Variants in SNRPN observed in about 807,000 individuals in gnomAD.
SNRPN encodes the protein small nuclear ribonucleoprotein-associated protein N.
Under a neutral mutation model 25.2 loss-of-function variants are expected in SNRPN, and 7 were observed. The ratio of observed to expected loss-of-function variants is 0.28; its 90% CI spans 0.16 to 0.52. The LOEUF is 0.52. Among genes scored for constraint, SNRPN ranks in the 20% least tolerant of loss-of-function variants. The pLI is 0.96. For missense variants in SNRPN, 196 were observed against 322.5 expected (o/e 0.61, Z 3.00); for synonymous variants, 124 against 110.6 (o/e 1.12, Z -0.76).
chr15:24,971,374 A>G (rs1269228848), intron 3 of SNRPN, among the ~76,000 whole-genome samples: 1 of 152,168 alleles, frequency 6.6e-6, no homozygotes, highest in African/African-American at 2.4e-5. Context: ...TCTTTCACTT[A>G]CAAGGTCATG....
intron 2 of SNRPN, chr15:24,849,980 C>T (rs2145498787): frequency 6.6e-6 from 1 of 152,230 alleles, no homozygotes; most frequent in South Asian, 2.1e-4. Flanking sequence ...TCTGATTTTT[C>T]CAAATTAGAT....
At position 24,909,228 on chromosome 15, in the gene SNRPN, T is replaced by C. The variant is rs545358405; in HGVS notation, c.-504-10783T>C. The stretch of plus-strand genomic sequence containing the variant: ...TAATCGGCAACATTCTGGCCCATGA[T>C]GTGCTTCCGGTGTACTTCTGCATTA... On this transcript the variant is annotated intron_variant, in intron 2 of 11. Coordinates refer to the SNRPN transcript ENST00000400097. 6 of 1,562,940 alleles carry C rather than the reference T, an allele frequency of 3.8e-6. No homozygotes were observed. The South Asian group carries it at 5.5e-5, about 14-fold the overall frequency.
chr15:24,941,943 C>G (rs2153057690), intron 3 of SNRPN, among the ~76,000 whole-genome samples: 1 of 152,156 alleles, frequency 6.6e-6, no homozygotes, highest in East Asian at 1.9e-4. Context: ...CTGTGCCCAG[C>G]TAATTTTTGT....
rs147377447 is a variant in SNRPN at position 24,916,239 on chromosome 15, C to T, written c.-504-3772C>T. On this transcript the variant is annotated intron_variant, in intron 2 of 11. Coordinates refer to the SNRPN transcript ENST00000400097. Reference sequence around the variant, plus strand: ...CCTCCCAAAGTGCTGGGATTACAGGCGTGAGCCACCGCGCCCAGCCTTGGT... The same window carrying T: ...CCTCCCAAAGTGCTGGGATTACAGGTGTGAGCCACCGCGCCCAGCCTTGGT... Among the ~76,000 whole-genome samples the T allele has an allele frequency of 7.4e-3, 1,121 of 152,198 alleles. 31 individuals carry two copies. Among genetic ancestry groups the T allele is most frequent in the East Asian group, 0.059 (307 of 5,174 alleles).
At chr15:24,859,110 C>T (rs1030520496) in intron 1 of SNRPN, among the ~76,000 whole-genome samples, 2 of 152,116 alleles carry the variant, frequency 1.3e-5, no homozygotes, top group Non-Finnish European at 2.9e-5. Flanking sequence ...CTGACCTCCA[C>T]CAATGGGAAA....
chr15:24,914,573 A>T (rs1172722724), intron 2 of SNRPN, among the ~76,000 whole-genome samples: 4 of 152,062 alleles, frequency 2.6e-5, no homozygotes, highest in African/African-American at 9.7e-5. Flanking sequence ...TAAATAAAAA[A>T]AATTAAAACC....
intron 1 of SNRPN, among the ~76,000 whole-genome samples, chr15:24,877,661 A>AACACACACACACACACACACACACACAC (rs72120147): frequency 4.1e-5 from 6 of 144,644 alleles, no homozygotes; most frequent in Admixed American, 1.4e-4. Context: ...ATCTCTACAA[A>AACACACACACACACACACACACACACAC]ACACACACAC....
upstream of SNRPN, among the ~76,000 whole-genome samples, chr15:24,855,130 T>G (rs530346678): frequency 6.6e-6 from 1 of 152,320 alleles, no homozygotes; most frequent in African/African-American, 2.4e-5. Flanking sequence ...CATAATTATC[T>G]GATTTGTCAG....
At chr15:24,878,467 G>A (rs988696576) in intron 1 of SNRPN, among the ~76,000 whole-genome samples, 1 of 152,214 alleles carries the variant, frequency 6.6e-6, no homozygotes, top group African/African-American at 2.4e-5. Flanking sequence ...TTCTCCTTCC[G>A]GTTTCCGTTT....
chr15:24,869,952 A>G (rs1194713474), intron 1 of SNRPN, among the ~76,000 whole-genome samples: 1 of 152,174 alleles, frequency 6.6e-6, no homozygotes, highest in Non-Finnish European at 1.5e-5. Flanking sequence ...TGTATTGAAT[A>G]TGATATGAAA....
chr15:24,949,993 TA>T (rs980606378), upstream of SNRPN, among the ~76,000 whole-genome samples: 1 of 151,384 alleles, frequency 6.6e-6, no homozygotes, highest in Non-Finnish European at 1.5e-5. Context: ...CCTAACTAAT[TA>T]AAAAAAAATT....
At chr15:24,940,669 T>C (rs2061496120) in intron 3 of SNRPN, among the ~76,000 whole-genome samples, 1 of 152,186 alleles carries the variant, frequency 6.6e-6, no homozygotes, top group Admixed American at 6.6e-5. Flanking sequence ...AATCATCCTA[T>C]TCTGACCAGG....
chr15:24,874,309 CAAAAAA>C (rs199834006), intron 1 of SNRPN, among the ~76,000 whole-genome samples: 5 of 61,446 alleles, frequency 8.1e-5, no homozygotes, highest in African/African-American at 3.3e-4. Flanking sequence ...GACTCTGTCT[CAAAAAA>C]AAAAAAAAAA....
intron 2 of SNRPN, among the ~76,000 whole-genome samples, chr15:24,834,715 G>GTCCC (rs1555376580): frequency 2.7e-5 from 1 of 36,948 alleles, no homozygotes; most frequent in Non-Finnish European, 6.9e-5. Context: ...GTGAGACCTT[G>GTCCC]TCTCTCTCTC....
intron 3 of SNRPN, among the ~76,000 whole-genome samples, chr15:24,924,371 T>C (rs538202127): frequency 6.6e-6 from 1 of 152,126 alleles, no homozygotes; most frequent in East Asian, 1.9e-4. Flanking sequence ...AGTCTGCGTG[T>C]GTTATCAAGG....
intron 2 of SNRPN, among the ~76,000 whole-genome samples, chr15:24,839,918 A>G (rs938424050): frequency 1.3e-5 from 2 of 152,198 alleles, no homozygotes; most frequent in East Asian, 1.9e-4. Context: ...AGTGAAGTCT[A>G]TGGAGCCTGT....
intron 1 of SNRPN, chr15:24,958,651 C>T (rs955947579): frequency 2.6e-5 from 4 of 152,112 alleles, no homozygotes; most frequent in Admixed American, 2.0e-4. Context: ...TAATTCTCCT[C>T]AGATTTGTTT....
chr15:24,830,039 T>G (rs2050391069), intron 2 of SNRPN: 2 of 152,120 alleles, frequency 1.3e-5, no homozygotes, highest in South Asian at 4.1e-4. Context: ...TCAGTGTACG[T>G]GCATGACCGC....
intron 1 of SNRPN, among the ~76,000 whole-genome samples, chr15:24,880,347 C>A (rs1042120633): frequency 1.3e-5 from 2 of 152,030 alleles, no homozygotes; most frequent in Non-Finnish European, 2.9e-5. Context: ...TCTTGAGTTC[C>A]GTTTTCAATC....
Sources: allele counts gnomAD v4.1 joint callset (sites outside exome capture counted in the v4.1 genomes callset), GRCh38; gene constraint gnomAD v4.1.1; transcripts MANE v1.5; gene names NCBI Gene and HGNC (gene_info 2026-07-23, HGNC 2026-07-21).